The following MGAT5 variants were observed in gnomAD, a reference collection of about 807,000 sequenced individuals.
The protein encoded by MGAT5 is alpha-1,6-mannosylglycoprotein 6-beta-N-acetylglucosaminyltransferase.
MGAT5 carries 30 observed loss-of-function variants against 94.3 expected under a neutral mutation model. The observed-to-expected ratio is 0.32, with a 90% CI of 0.24 to 0.43. The LOEUF is 0.43. Among genes scored for constraint, MGAT5 ranks in the 20% least tolerant of loss-of-function variants. The pLI is 1.00. For missense variants in MGAT5, 691 were observed against 905.5 expected, an observed-to-expected ratio of 0.76 and a Z score of 3.04; for synonymous variants, 310 against 322.9, an observed-to-expected ratio of 0.96 and a Z score of 0.43.
intron 1 of MGAT5, among the ~76,000 whole-genome samples, chr2:134,224,231 G>GTATTT (rs1680938075): frequency 6.6e-6 from 1 of 152,166 alleles, no homozygotes; most frequent in Non-Finnish European, 1.5e-5. Flanking sequence ...GGTCCTATTA[G>GTATTT]CAGGCGTTTC....
At chr2:134,332,742 GA>G (rs1426736233) in intron 4 of MGAT5, among the ~76,000 whole-genome samples, 2 of 151,828 alleles carry the variant, frequency 1.3e-5, no homozygotes, top group Non-Finnish European at 2.9e-5. Context: ...AAATTTACAA[GA>G]AAAAAACAAC....
intron 1 of MGAT5, among the ~76,000 whole-genome samples, chr2:134,225,868 T>C (rs780260165): frequency 6.6e-6 from 1 of 152,216 alleles, no homozygotes; most frequent in Non-Finnish European, 1.5e-5. Context: ...TCACTAACAG[T>C]GTACTAGGAT....
intron 1 of MGAT5, among the ~76,000 whole-genome samples, chr2:134,202,013 A>G (rs188874538): frequency 1.3e-5 from 2 of 151,512 alleles, no homozygotes; most frequent in Non-Finnish European, 2.9e-5. Flanking sequence ...AGATGCAACT[A>G]TTTTCATTAT....
intron 1 of MGAT5, among the ~76,000 whole-genome samples, chr2:134,178,818 A>G (rs965362061): frequency 6.6e-6 from 1 of 152,134 alleles, no homozygotes; most frequent in African/African-American, 2.4e-5. Flanking sequence ...ACACTGCATG[A>G]TATTTACATA....
chr2:134,235,679 A>T (rs1036021782), intron 1 of MGAT5, among the ~76,000 whole-genome samples: 6 of 151,554 alleles, frequency 4.0e-5, no homozygotes, highest in Non-Finnish European at 5.9e-5. Flanking sequence ...CCCACCCCAG[A>T]TCCTGCTGTA....
Position 134,386,382 on chromosome 2 carries a change from A to G in MGAT5, c.1381-16606A>G, listed in dbSNP as rs370627728. On this transcript the variant is annotated intron_variant, in intron 10 of 15. Transcript: ENST00000281923. ...AATGGGTTGGTGTATCAAATTAAGAATTACATTCAAATGTGAATATTAGAT... is the reference window on the plus strand; with the variant it reads ...AATGGGTTGGTGTATCAAATTAAGAGTTACATTCAAATGTGAATATTAGAT... 6.6e-5 allele frequency among the ~76,000 whole-genome samples: 10 copies of G among 152,392 alleles called. No individual in the cohort carries two copies. The East Asian group carries it at 1.7e-3, about 26-fold the overall frequency.
rs543754155 is a variant in MGAT5, at chr2:134,276,310, G to A, written c.406+5760G>A. Among the ~76,000 whole-genome samples, 25 of 152,192 alleles carry A rather than the reference G, an allele frequency of 1.6e-4. No individual in the cohort carries two copies. In the East Asian group the frequency reaches 4.4e-3, roughly 27 times the overall value. On this transcript the variant is annotated intron_variant, in intron 2 of 15. Transcript: ENST00000281923. Reference sequence around the variant, plus strand: ...TTTCCTGGCCCACAGTGTGCTTTTGGCAATGTACATTTTACTTCTGCTTCT... The same window carrying A: ...TTTCCTGGCCCACAGTGTGCTTTTGACAATGTACATTTTACTTCTGCTTCT...
chr2:134,221,144 A>G (rs976353582), intron 1 of MGAT5, among the ~76,000 whole-genome samples: 19 of 152,202 alleles, frequency 1.2e-4, no homozygotes, highest in African/African-American at 4.6e-4. Flanking sequence ...ATGAGTGACC[A>G]TGGCCCGTGA....
chr2:134,401,562 T>C (rs1237877713), intron 10 of MGAT5, among the ~76,000 whole-genome samples: 2 of 152,194 alleles, frequency 1.3e-5, no homozygotes, highest in East Asian at 3.9e-4. Context: ...AGTTACCAGA[T>C]ACATCTAGCA....
chr2:134,234,754 A>G (rs981894028), intron 1 of MGAT5, among the ~76,000 whole-genome samples: 1 of 152,252 alleles, frequency 6.6e-6, no homozygotes, highest in African/African-American at 2.4e-5. Context: ...GCAGAAGTCA[A>G]TATTTGAGAA....
At chr2:134,235,089 A>T (rs1681565857) in intron 1 of MGAT5, among the ~76,000 whole-genome samples, 1 of 152,142 alleles carries the variant, frequency 6.6e-6, no homozygotes, top group South Asian at 2.1e-4. Context: ...AGATCTAGCT[A>T]ACCCAGGCTG....
At chr2:134,185,291 C>T (rs1167324677) in intron 1 of MGAT5, among the ~76,000 whole-genome samples, 4 of 152,192 alleles carry the variant, frequency 2.6e-5, no homozygotes, top group African/African-American at 7.2e-5. Flanking sequence ...AGGATAAGAA[C>T]TATGCCTTTC....
chr2:134,425,623 T>G (rs1238158033), intron 13 of MGAT5, among the ~76,000 whole-genome samples: 3 of 152,152 alleles, frequency 2.0e-5, no homozygotes. Context: ...TCTAAGACCA[T>G]TTCTTATTGA....
chr2:134,170,331 G>T (rs1688145400), intron 1 of MGAT5, among the ~76,000 whole-genome samples: 2 of 152,146 alleles, frequency 1.3e-5, no homozygotes, highest in Non-Finnish European at 2.9e-5. Context: ...GTTTAAAAGG[G>T]GTCACTGGCG....
rs1686031310 is a variant in MGAT5 at position 134,450,290 on chromosome 2, C to T, written c.*1443C>T. On this transcript the variant is annotated 3_prime_UTR_variant, in exon 16 of 16. Coordinates refer to ENST00000281923, the MANE Select transcript of MGAT5 (RefSeq NM_002410.5). ...TCCACTTGGCCTCTGCTGGGCGCCT[C>T]AGTCGCTCAATGATGTGCTCTGTGC... The T allele has an allele frequency of 6.6e-6, 1 of 152,238 alleles. No homozygotes were observed. The highest frequency in any genetic ancestry group is 6.5e-5 in the Admixed American group (1 of 15,288). The allele number at this position is 152,238 out of a possible 1,614,324, so 9.4% of individuals were successfully genotyped here. A position where few individuals can be genotyped will look rare whatever the true frequency, so the allele number is the denominator to read the frequency against.
At position 134,361,800 on chromosome 2, in the gene MGAT5, C is replaced by T. The variant is rs111402787; in HGVS notation, c.1247-475C>T. Among the ~76,000 whole-genome samples the T allele has an allele frequency of 3.0e-3, 464 of 152,148 alleles. 3 individuals carry two copies. Among genetic ancestry groups the T allele is most frequent in the Middle Eastern group, 0.014 (4 of 294 alleles). ...TCTGAGGATTATTCATCACTTTGTC[C>T]CTCAACCTCCTGTTATGTAGCTGGG... is the stretch of plus-strand genomic sequence containing the variant. On this transcript the variant is annotated intron_variant, in intron 9 of 15. Transcript: ENST00000281923.
intron 1 of MGAT5, among the ~76,000 whole-genome samples, chr2:134,174,442 T>A (rs1688362646): frequency 6.6e-6 from 1 of 152,276 alleles, no homozygotes; most frequent in Non-Finnish European, 1.5e-5. Flanking sequence ...GCGTGGCTAG[T>A]GCCAGTGGCT....
At chr2:134,444,392 G>A (rs1378094983) in intron 15 of MGAT5, among the ~76,000 whole-genome samples, 1 of 152,166 alleles carries the variant, frequency 6.6e-6, no homozygotes, top group Non-Finnish European at 1.5e-5. Flanking sequence ...GTAGAGATGC[G>A]GGCTTTCTTA....
chr2:134,213,701 T>C (rs1680320698), intron 1 of MGAT5, among the ~76,000 whole-genome samples: 1 of 152,220 alleles, frequency 6.6e-6, no homozygotes, highest in Non-Finnish European at 1.5e-5. Context: ...CATTTACTTA[T>C]ATTTGCTGGT....
Sources: gnomAD v4.1 joint callset for allele counts (sites outside exome capture counted in the v4.1 genomes callset) on GRCh38, gnomAD v4.1.1 for gene constraint, MANE v1.5 for transcripts, NCBI Gene and HGNC (gene_info 2026-07-23, HGNC 2026-07-21) for gene names.